The following RAB11FIP2 variants were observed in gnomAD, a reference collection of about 807,000 sequenced individuals.
RAB11FIP2 encodes the protein RAB11 family interacting protein 2, also known as rab11 family-interacting protein 2.
Under a neutral mutation model 40.9 loss-of-function variants are expected in RAB11FIP2, and 16 were observed. The observed-to-expected ratio is 0.39, with a 90% CI of 0.26 to 0.59. The LOEUF (loss-of-function observed/expected upper bound fraction) is 0.59. Ranked by LOEUF, RAB11FIP2 falls within the 20% of genes least tolerant of loss-of-function variation. The probability of loss-of-function intolerance (pLI) is 0.53; values close to 1 mark genes in which losing one functional copy is unlikely to be tolerated. For synonymous variants in RAB11FIP2, 228 were observed against 213.7 expected, an observed-to-expected ratio of 1.07 and a Z score of -0.58; for missense variants, 532 against 606.2, an observed-to-expected ratio of 0.88 and a Z score of 1.28.
At chr10:118,029,041 A>T (rs564096021) in intron 3 of RAB11FIP2, among the ~76,000 whole-genome samples, 1 of 152,216 alleles carries the variant, frequency 6.6e-6, no homozygotes, top group South Asian at 2.1e-4. Context: ...ACAAAAAGAA[A>T]AAATTCAAAC....
intron 3 of RAB11FIP2, among the ~76,000 whole-genome samples, chr10:118,037,445 T>C (rs538919063): frequency 6.6e-6 from 1 of 152,076 alleles, no homozygotes; most frequent in Non-Finnish European, 1.5e-5. Flanking sequence ...AGCCTAAAAG[T>C]GATTGATTGT....
At chr10:118,036,875 C>T (rs1053606101) in intron 3 of RAB11FIP2, among the ~76,000 whole-genome samples, 3 of 152,012 alleles carry the variant, frequency 2.0e-5, no homozygotes, top group Non-Finnish European at 4.4e-5. Context: ...TGTCAAAATG[C>T]CACAGGCACT....
At chr10:118,015,028 A>C in intron 4 of RAB11FIP2, 37 bp downstream of exon 4, 1 of 1,542,958 alleles carries the variant, frequency 6.5e-7, no homozygotes, top group Middle Eastern at 1.7e-4. Flanking sequence ...AGACCAGCTT[A>C]CTCTTTGACA....
chr10:118,030,073 A>C (rs1411527766), intron 3 of RAB11FIP2, among the ~76,000 whole-genome samples: 2 of 152,188 alleles, frequency 1.3e-5, no homozygotes, highest in Non-Finnish European at 2.9e-5. Context: ...CACAGGTAAA[A>C]AATAAACTGA....
chr10:118,035,549 T>C (rs911039535), intron 3 of RAB11FIP2, among the ~76,000 whole-genome samples: 2 of 152,080 alleles, frequency 1.3e-5, no homozygotes, highest in Non-Finnish European at 2.9e-5. Flanking sequence ...CTGTGTGCAT[T>C]AGGAAACTGG....
chr10:118,025,677 A>G (rs994774733), intron 3 of RAB11FIP2, among the ~76,000 whole-genome samples: 5 of 152,210 alleles, frequency 3.3e-5, no homozygotes, highest in African/African-American at 1.2e-4. Context: ...AATTCATACT[A>G]ATAAGGTCAC....
At chr10:118,018,195 C>CA (rs1175569423) in intron 3 of RAB11FIP2, 1 of 152,228 alleles carries the variant, frequency 6.6e-6, no homozygotes, top group African/African-American at 2.4e-5. Context: ...TTGACGAACT[C>CA]AGTCATTCAT....
chr10:118,016,592 T>C (rs1022729193), intron 3 of RAB11FIP2, among the ~76,000 whole-genome samples: 2 of 152,208 alleles, frequency 1.3e-5, no homozygotes, highest in African/African-American at 2.4e-5. Context: ...TAATCTCTCC[T>C]ACCCCATTAT....
chr10:118,010,426 C>A (rs992101890), intron 4 of RAB11FIP2, among the ~76,000 whole-genome samples: 2 of 152,002 alleles, frequency 1.3e-5, no homozygotes, highest in African/African-American at 4.8e-5. Flanking sequence ...TGCAGAATGA[C>A]CCCCACCCCC....
Position 118,009,091 on chromosome 10 carries a change from G to A in RAB11FIP2, c.1446C>T (p.Asp482=). ...THIRELEDYI[D]NLLVRVMEET... is the part of the protein sequence containing the mutation. ...CTTCCATTACCCTTACAAGGAGGTT[G>A]TCGATGTAGTCCTCGAGTTCCCGGA... The change falls in exon 5 of 5, where the codon GAC becomes GAT. Residue 482 remains aspartate (D), a synonymous_variant. Coordinates refer to ENST00000355624, the MANE Select transcript of RAB11FIP2 (RefSeq NM_014904.3). The A allele has an allele frequency of 6.2e-7, 1 of 1,613,632 alleles. No homozygotes were observed. Among genetic ancestry groups the A allele is most frequent in the Non-Finnish European group, 8.5e-7 (1 of 1,179,618 alleles).
At chr10:118,016,917 C>T (rs1230186020) in intron 3 of RAB11FIP2, among the ~76,000 whole-genome samples, 1 of 152,154 alleles carries the variant, frequency 6.6e-6, no homozygotes, top group African/African-American at 2.4e-5. Context: ...AGCACTGTGA[C>T]TACCAGATAG....
chr10:118,033,450 ATAAACATTGTATAGTAATTACT>A (rs1846442328), intron 3 of RAB11FIP2, among the ~76,000 whole-genome samples: 1 of 152,158 alleles, frequency 6.6e-6, no homozygotes, highest in Non-Finnish European at 1.5e-5. Context: ...ACCTAGTACA[ATAAACATTGTATAGTAATTACT>A]TCTTCTATAT....
rs192248680 is a variant in RAB11FIP2, at chr10:118,020,017, A to G, written c.1266-4907T>C. Among the ~76,000 whole-genome samples, 6 of 152,276 alleles carry G rather than the reference A, an allele frequency of 3.9e-5. No individual in the cohort carries two copies. The East Asian group carries it at 5.8e-4, about 15-fold the overall frequency. ...CAATTGTATTTATTGGACTTTAACCATGGTAACTTTCTGAGCACTTTACAT... is the reference window on the plus strand; with the variant it reads ...CAATTGTATTTATTGGACTTTAACCGTGGTAACTTTCTGAGCACTTTACAT... On this transcript the variant is annotated intron_variant, in intron 3 of 4. Coordinates refer to ENST00000355624, the MANE Select transcript of RAB11FIP2 (RefSeq NM_014904.3).
intron 3 of RAB11FIP2, among the ~76,000 whole-genome samples, chr10:118,021,728 G>A (rs1366572285): frequency 6.6e-6 from 1 of 152,174 alleles, no homozygotes; most frequent in East Asian, 1.9e-4. Context: ...GATACCAAAT[G>A]GGTGCTCCTT....
chr10:118,032,652 G>A (rs1202878417), intron 3 of RAB11FIP2, among the ~76,000 whole-genome samples: 1 of 152,088 alleles, frequency 6.6e-6, no homozygotes, highest in African/African-American at 2.4e-5. Context: ...CTTATCTGTG[G>A]TTTTGCTTTC....
chr10:118,013,403 T>G (rs1423553379), intron 4 of RAB11FIP2, among the ~76,000 whole-genome samples: 1 of 152,128 alleles, frequency 6.6e-6, no homozygotes, highest in Non-Finnish European at 1.5e-5. Flanking sequence ...CTACTGCTCC[T>G]GTTTAAACAC....
At chr10:118,033,545 G>C (rs1846443732) in intron 3 of RAB11FIP2, among the ~76,000 whole-genome samples, 1 of 152,142 alleles carries the variant, frequency 6.6e-6, no homozygotes. Context: ...GAGATGAGTT[G>C]AGAGTGCACC....
chr10:118,033,615 T>C (rs932953461), intron 3 of RAB11FIP2, among the ~76,000 whole-genome samples: 2 of 151,978 alleles, frequency 1.3e-5, no homozygotes, highest in African/African-American at 2.4e-5. Flanking sequence ...TGTAGAGACA[T>C]GGCAGTAAGG....
chr10:118,025,406 A>G (rs564636482), intron 3 of RAB11FIP2, among the ~76,000 whole-genome samples: 15 of 152,204 alleles, frequency 9.9e-5, no homozygotes, highest in Non-Finnish European at 2.1e-4. Flanking sequence ...TAATTTCACT[A>G]TTGTCCTGCT....
Sources: gnomAD v4.1 joint callset for allele counts (sites outside exome capture counted in the v4.1 genomes callset) on GRCh38, gnomAD v4.1.1 for gene constraint, MANE v1.5 for transcripts, NCBI Gene and HGNC (gene_info 2026-07-23, HGNC 2026-07-21) for gene names.